Variants in PRKD1 observed in about 807,000 individuals in gnomAD.
The protein encoded by PRKD1 is protein kinase D1.
PRKD1 carries 63 observed loss-of-function variants against 95.9 expected under a neutral mutation model. That is an observed-to-expected ratio of 0.66 (90% CI 0.54 to 0.81). The LOEUF (loss-of-function observed/expected upper bound fraction) is 0.81. Ranked by LOEUF, PRKD1 falls within the 30% of genes least tolerant of loss-of-function variation. The pLI is 0.00. For missense variants in PRKD1, 1,048 were observed against 1,165.3 expected, an observed-to-expected ratio of 0.90 and a Z score of 1.47; for synonymous variants, 425 against 423.1, an observed-to-expected ratio of 1.00 and a Z score of -0.05.
intron 4 of PRKD1, among the ~76,000 whole-genome samples, chr14:29,639,981 C>A (rs920093657): frequency 6.6e-6 from 1 of 152,056 alleles, no homozygotes; most frequent in Non-Finnish European, 1.5e-5. Context: ...ATTTGAGAAT[C>A]GTCAGAATAA....
At chr14:29,779,667 G>A (rs1326779654) in intron 1 of PRKD1, among the ~76,000 whole-genome samples, 8 of 152,178 alleles carry the variant, frequency 5.3e-5, no homozygotes. Flanking sequence ...AAAATTCCAT[G>A]CTCATAGATA....
At chr14:29,914,191 C>T (rs1360996506) in intron 1 of PRKD1, among the ~76,000 whole-genome samples, 2 of 152,130 alleles carry the variant, frequency 1.3e-5, no homozygotes, top group African/African-American at 2.4e-5. Context: ...AATTAGTCTA[C>T]GAGGGAAGTT....
At chr14:29,740,182 G>GA (rs1229045240) in intron 1 of PRKD1, among the ~76,000 whole-genome samples, 3 of 151,928 alleles carry the variant, frequency 2.0e-5, no homozygotes, top group African/African-American at 7.2e-5. Flanking sequence ...GCTTGGAAAT[G>GA]AAAAAAATGT....
intron 1 of PRKD1, among the ~76,000 whole-genome samples, chr14:29,891,293 A>G (rs1893928713): frequency 6.6e-6 from 1 of 152,196 alleles, no homozygotes; most frequent in South Asian, 2.1e-4. Flanking sequence ...TCAGGAATGG[A>G]GTGGCTTTTT....
chr14:29,721,869 T>C (rs1174498794), intron 2 of PRKD1, among the ~76,000 whole-genome samples: 2 of 152,224 alleles, frequency 1.3e-5, no homozygotes, highest in African/African-American at 2.4e-5. Flanking sequence ...CCTGGCTTAC[T>C]GCGTTTAAAT....
chr14:29,780,775 C>T (rs1889007283), intron 1 of PRKD1, among the ~76,000 whole-genome samples: 1 of 152,102 alleles, frequency 6.6e-6, no homozygotes, highest in Non-Finnish European at 1.5e-5. Context: ...TTGACCCAGC[C>T]ATCCCATTAC....
At chr14:29,813,954 C>T (rs1890593074) in intron 1 of PRKD1, among the ~76,000 whole-genome samples, 1 of 152,126 alleles carries the variant, frequency 6.6e-6, no homozygotes, top group Non-Finnish European at 1.5e-5. Flanking sequence ...AAACATTGGG[C>T]TGTTCATTAG....
chr14:29,642,819 G>A (rs1467485390), intron 4 of PRKD1, among the ~76,000 whole-genome samples: 1 of 151,866 alleles, frequency 6.6e-6, no homozygotes, highest in African/African-American at 2.4e-5. Flanking sequence ...GGTTTATTAG[G>A]TTAACTAAAT....
chr14:29,909,051 T>C (rs1010708647), intron 1 of PRKD1, among the ~76,000 whole-genome samples: 5 of 152,102 alleles, frequency 3.3e-5, no homozygotes, highest in African/African-American at 9.7e-5. Context: ...TCAGCATGAG[T>C]TCCGGGTGGG....
intron 1 of PRKD1, among the ~76,000 whole-genome samples, chr14:29,807,906 T>C (rs1289455022): frequency 2.6e-5 from 4 of 151,738 alleles, no homozygotes; most frequent in Non-Finnish European, 5.9e-5. Flanking sequence ...ATTTCTAGTA[T>C]AGACGGGATT....
chr14:29,871,306 A>G (rs1893097724), intron 1 of PRKD1, among the ~76,000 whole-genome samples: 1 of 152,232 alleles, frequency 6.6e-6, no homozygotes, highest in African/African-American at 2.4e-5. Flanking sequence ...CTAAACTACA[A>G]AAGTGATAAT....
At chr14:29,785,878 CAAA>C (rs1391974847) in intron 1 of PRKD1, among the ~76,000 whole-genome samples, 1 of 118,488 alleles carries the variant, frequency 8.4e-6, no homozygotes, top group Admixed American at 8.5e-5. Flanking sequence ...GTGGGGCTGT[CAAA>C]AAAAAAAAAA....
intron 1 of PRKD1, among the ~76,000 whole-genome samples, chr14:29,765,588 T>C (rs781132540): frequency 4.6e-5 from 7 of 152,244 alleles, no homozygotes; most frequent in Middle Eastern, 3.4e-3. Context: ...ACAATGCTCA[T>C]AGAAGCATTG....
chr14:29,689,671 C>T (rs967309370), intron 2 of PRKD1, among the ~76,000 whole-genome samples: 5 of 152,060 alleles, frequency 3.3e-5, no homozygotes, highest in Admixed American at 1.3e-4. Context: ...GATGCATGGA[C>T]GTGTATGTTC....
At chr14:29,750,215 A>T (rs2139458223) in intron 1 of PRKD1, among the ~76,000 whole-genome samples, 1 of 152,322 alleles carries the variant, frequency 6.6e-6, no homozygotes, top group Non-Finnish European at 1.5e-5. Context: ...AAAAATACTA[A>T]GTCTGCCAGA....
chr14:29,597,856 C>T, intron 15 of PRKD1, 98 bp from the exon 16 acceptor site: 1 of 1,199,026 alleles, frequency 8.3e-7, no homozygotes, highest in Non-Finnish European at 1.1e-6. Flanking sequence ...ATTTTAAATA[C>T]TTTACCTTTA....
At chr14:29,895,030 C>T (rs143171592) in intron 1 of PRKD1, among the ~76,000 whole-genome samples, 287 of 151,582 alleles carry the variant, frequency 1.9e-3, no homozygotes, top group African/African-American at 6.5e-3. Context: ...TAGCTCAACA[C>T]CATGTTTATA....
At chr14:29,675,473 T>C (rs764684029) in intron 2 of PRKD1, among the ~76,000 whole-genome samples, 1 of 152,188 alleles carries the variant, frequency 6.6e-6, no homozygotes, top group Non-Finnish European at 1.5e-5. Context: ...CATAGACATG[T>C]AACCTTTTGA....
At chr14:29,784,275 T>C (rs543129360) in intron 1 of PRKD1, among the ~76,000 whole-genome samples, 2 of 152,198 alleles carry the variant, frequency 1.3e-5, no homozygotes, top group East Asian at 3.9e-4. Context: ...CAAGATACCA[T>C]ACTGTTTTGG....
Sources: allele counts gnomAD v4.1 joint callset (sites outside exome capture counted in the v4.1 genomes callset), GRCh38; gene constraint gnomAD v4.1.1; transcripts MANE v1.5; gene names NCBI Gene and HGNC (gene_info 2026-07-23, HGNC 2026-07-21).